The following BBS1 variants were observed in gnomAD, a reference collection of about 807,000 sequenced individuals.
BBS1 encodes the protein Bardet-Biedl syndrome 1.
In BBS1, 60 loss-of-function variants were observed where a neutral mutation model predicts 73.9. The ratio of observed to expected loss-of-function variants is 0.81; its 90% CI spans 0.66 to 1.01. The LOEUF (loss-of-function observed/expected upper bound fraction) is 1.01, where lower values mean the gene tolerates loss of function less well. Ranked by LOEUF, BBS1 falls within the 50% of genes least tolerant of loss-of-function variation. The probability of loss-of-function intolerance (pLI) is 0.00; values close to 1 mark genes in which losing one functional copy is unlikely to be tolerated. For synonymous variants in BBS1, 283 were observed against 317.4 expected (o/e 0.89, Z 1.15); for missense variants, 718 against 770.3 (o/e 0.93, Z 0.80).
chr11:66,521,284 C>T lies in BBS1; in HGVS notation c.738C>T (p.Ser246=), dbSNP rs775266312. The T allele has an allele frequency of 2.4e-5, 38 of 1,613,936 alleles. No individual in the cohort carries two copies. The highest frequency in any genetic ancestry group is 6.7e-5 in the African/African-American group (5 of 74,922). ...FTILAKMSLP[S]VPVFLEVSGQ... ...CTTGTTTGCAGATGAGCCTTCCCAGCGTCCCCGTCTTCCTAGAGGTTTCTG... is the reference window on the plus strand; with the variant it reads ...CTTGTTTGCAGATGAGCCTTCCCAGTGTCCCCGTCTTCCTAGAGGTTTCTG... Residue 246 remains serine (S), a synonymous_variant, in exon 9 of 17, where the codon AGC becomes AGT. Coordinates refer to ENST00000318312, the MANE Select transcript of BBS1 (RefSeq NM_024649.5).
rs761760689 is a variant in BBS1, at chr11:66,519,689, G to C, written c.664G>C (p.Gly222Arg). ...GGATGCTGTGTCTTGCCTGGTGCTG[G>C]GCACCGAGAACAAGGAGCTCCTGGT... Reference protein sequence around the residue: ...DEDAVSCLVLGTENKELLVLD... With the variant: ...DEDAVSCLVLRTENKELLVLD... The change falls in exon 8 of 17, where the codon GGC becomes CGC. Residue 222 changes from glycine (G) to arginine (R), a missense_variant. Transcript: ENST00000318312. 3 of 1,613,782 alleles carry C rather than the reference G, an allele frequency of 1.9e-6. No homozygotes were observed. The highest frequency in any genetic ancestry group is 2.5e-6 in the Non-Finnish European group (3 of 1,179,962).
At chr11:66,510,971 C>T in intron 1 of BBS1, 42 bp from the exon 2 acceptor site, 1 of 1,606,074 alleles carries the variant, frequency 6.2e-7, no homozygotes, top group Non-Finnish European at 8.5e-7. Context: ...TTTTTCCCCT[C>T]CCATGGGACT....
Position 66,531,649 on chromosome 11 carries a change from A to T in BBS1, c.1609-7A>T. ...TGGTTTCCTTACTTCTTTGTCCCCA[A>T]ACTTAGGTACCCTTGCTGGTGCCAG... On this transcript the variant is annotated splice_polypyrimidine_tract_variant and splice_region_variant and intron_variant, in intron 15 of 16. Coordinates refer to ENST00000318312, the MANE Select transcript of BBS1 (RefSeq NM_024649.5). 6.2e-7 allele frequency: 1 copy of T among 1,613,960 alleles called. No homozygotes were observed. The highest frequency in any genetic ancestry group is 8.5e-7 in the Non-Finnish European group (1 of 1,179,962).
intron 13 of BBS1, chr11:66,527,668 CAAAAAAAAAAAA>C (rs58165767): frequency 3.5e-5 from 2 of 57,968 alleles, no homozygotes; most frequent in African/African-American, 7.6e-5. Context: ...GACTCCGTCT[CAAAAAAAAAAAA>C]AAAAAAAAAA....
intron 1 of BBS1, 88 bp from the exon 2 acceptor site, chr11:66,510,925 G>C: frequency 6.7e-7 from 1 of 1,485,394 alleles, no homozygotes; most frequent in Non-Finnish European, 9.4e-7. Flanking sequence ...TGTACCTTAT[G>C]TTCAGAGTGA....
At chr11:66,521,676 CAAGCGGA>C (rs1856224443) in intron 9 of BBS1, 9 of 376,666 alleles carry the variant, frequency 2.4e-5, no homozygotes, top group Admixed American at 1.5e-4. Context: ...GAGGCCGAGG[CAAGCGGA>C]TCACCTGAGG....
Position 66,523,896 on chromosome 11 carries a change from C to G in BBS1, c.1110+14C>G, listed in dbSNP as rs780822511. On this transcript the variant is annotated intron_variant, in intron 11 of 16. Coordinates refer to ENST00000318312, the MANE Select transcript of BBS1 (RefSeq NM_024649.5). Reference sequence around the variant, plus strand: ...ATCCACACCCCGGTGAGCCCCATCTCCGGCATCTGCCACTCACTCCTCCTT... The same window carrying G: ...ATCCACACCCCGGTGAGCCCCATCTGCGGCATCTGCCACTCACTCCTCCTT... 23 of 1,612,024 alleles carry G rather than the reference C, an allele frequency of 1.4e-5. No homozygotes were observed. Among genetic ancestry groups the G allele is most frequent in the African/African-American group, 2.7e-5 (2 of 74,946 alleles).
chr11:66,527,014 T>C, intron 13 of BBS1: 1 of 1,536,696 alleles, frequency 6.5e-7, no homozygotes, highest in Non-Finnish European at 8.7e-7. Context: ...GTGCTGTGGG[T>C]GACAGCAAGA....
intron 14 of BBS1, among the ~76,000 whole-genome samples, chr11:66,530,586 A>T (rs1190167612): frequency 6.6e-6 from 1 of 151,954 alleles, no homozygotes; most frequent in Admixed American, 6.5e-5. Context: ...GAACTGATCA[A>T]GCTACCCTAG....
At chr11:66,531,095 A>C in intron 15 of BBS1, 67 bp downstream of exon 15, 1 of 1,596,828 alleles carries the variant, frequency 6.3e-7, no homozygotes, top group Non-Finnish European at 8.5e-7. Flanking sequence ...TGAGATGCCC[A>C]CAGAGCCCCG....
Position 66,523,492 on chromosome 11 carries a change from C to T in BBS1, c.867C>T (p.Ser289=), listed in dbSNP as rs776322401. 9.3e-6 allele frequency: 15 copies of T among 1,614,008 alleles called. No homozygotes were observed. Among genetic ancestry groups the T allele is most frequent in the African/African-American group, 1.3e-5 (1 of 74,902 alleles). ...SKHPKYCIEL[S]AQPVGLIRVH... ...ACCCCAAGTACTGCATCGAGCTGAG[C>T]GCCCAGCCTGTGGGACTTATCCGGG... The change falls in exon 10 of 17, where the codon AGC becomes AGT. Residue 289 remains serine, a synonymous_variant. Coordinates refer to ENST00000318312, the MANE Select transcript of BBS1 (RefSeq NM_024649.5).
At chr11:66,528,986 A>G (rs1381103385) in intron 13 of BBS1, 4 of 744,460 alleles carry the variant, frequency 5.4e-6, no homozygotes, top group African/African-American at 1.9e-5. Context: ...AAAAAAAAAA[A>G]AAAGGAAGAA....
chr11:66,517,085 G>C (rs1856065570), intron 7 of BBS1, among the ~76,000 whole-genome samples: 1 of 151,882 alleles, frequency 6.6e-6, no homozygotes, highest in South Asian at 2.1e-4. Flanking sequence ...TGTACTCCCA[G>C]CTACTCAGGA....
chr11:66,511,308 G>C (rs570240047), intron 3 of BBS1, 69 bp downstream of exon 3: 5 of 1,567,176 alleles, frequency 3.2e-6, no homozygotes, highest in Non-Finnish European at 4.4e-6. Flanking sequence ...ATTTCCTGAC[G>C]GCTGAAAATA....
intron 11 of BBS1, among the ~76,000 whole-genome samples, chr11:66,525,601 T>C (rs181033702): frequency 7.2e-5 from 11 of 152,260 alleles, no homozygotes; most frequent in Admixed American, 3.9e-4. Flanking sequence ...TGTGTATGTG[T>C]GTGTAAATTG....
chr11:66,530,793 A>G (rs1856744115), intron 14 of BBS1, 101 bp from the exon 15 acceptor site: 1 of 1,503,742 alleles, frequency 6.7e-7, no homozygotes, highest in Admixed American at 1.7e-5. Context: ...GAGTAGGAGG[A>G]GGGGACATGA....
rs374048871 is a variant in BBS1, at chr11:66,531,734, A to G, written c.1687A>G (p.Ile563Val). The G allele has an allele frequency of 6.2e-7, 1 of 1,613,890 alleles. No homozygotes were observed. Among genetic ancestry groups the G allele is most frequent in the African/African-American group, 1.3e-5 (1 of 74,868 alleles). The change falls in exon 16 of 17, where the codon ATC (isoleucine) becomes GTC (valine). Residue 563 changes from isoleucine (I) to valine (V), a missense_variant. Transcript: ENST00000318312. Reference protein sequence around the residue: ...ESLSNKGISDIIKVLVLREGQ... With the variant: ...ESLSNKGISDVIKVLVLREGQ... The stretch of plus-strand genomic sequence containing the variant: ...TCTCAGTAACAAGGGCATCTCAGAC[A>G]TCATCAAGGTAGGCCCCGCACTTGT...
intron 11 of BBS1, among the ~76,000 whole-genome samples, chr11:66,525,016 C>T (rs997761603): frequency 1.3e-5 from 2 of 151,932 alleles, no homozygotes; most frequent in African/African-American, 4.8e-5. Flanking sequence ...CTGGCTAACA[C>T]GGTAAAACCC....
At chr11:66,526,393 A>T (rs1268821161) in intron 12 of BBS1, among the ~76,000 whole-genome samples, 2 of 152,214 alleles carry the variant, frequency 1.3e-5, no homozygotes, top group Non-Finnish European at 2.9e-5. Context: ...CGATCTTTCT[A>T]GTTCACCCAG....
Sources: gnomAD v4.1 joint callset for allele counts (sites outside exome capture counted in the v4.1 genomes callset) on GRCh38, gnomAD v4.1.1 for gene constraint, MANE v1.5 for transcripts, NCBI Gene and HGNC (gene_info 2026-07-23, HGNC 2026-07-21) for gene names.